GRIA4: variants seen among roughly 807,000 people sequenced by gnomAD.
The protein encoded by GRIA4 is glutamate ionotropic receptor AMPA type subunit 4.
A neutral mutation model predicts 104.0 loss-of-function variants in GRIA4; 34 were observed. The observed-to-expected ratio is 0.33, with a 90% CI of 0.25 to 0.44. The LOEUF (loss-of-function observed/expected upper bound fraction) is 0.44. Among genes scored for constraint, GRIA4 ranks in the 20% least tolerant of loss-of-function variants. The pLI, the probability that GRIA4 is intolerant of heterozygous loss-of-function variation, is 1.00. For synonymous variants in GRIA4, 386 were observed against 381.9 expected (o/e 1.01, Z -0.13); for missense variants, 750 against 1,096.5 (o/e 0.68, Z 4.46).
intron 3 of GRIA4, among the ~76,000 whole-genome samples, chr11:105,737,304 T>A (rs1261550172): frequency 1.3e-5 from 2 of 152,172 alleles, no homozygotes; most frequent in African/African-American, 4.8e-5. Context: ...TTGGCTGCTT[T>A]ATGTCTTTTT....
intron 4 of GRIA4, among the ~76,000 whole-genome samples, chr11:105,828,662 T>TAA (rs570146830): frequency 5.4e-4 from 74 of 137,358 alleles, no homozygotes; most frequent in African/African-American, 1.9e-3. Flanking sequence ...AATGTTTTCA[T>TAA]AAAAAAAAAA....
At chr11:105,764,224 C>T (rs35903386) in intron 4 of GRIA4, among the ~76,000 whole-genome samples, 177 of 152,270 alleles carry the variant, frequency 1.2e-3, no homozygotes, top group Non-Finnish European at 2.3e-3. Flanking sequence ...GAGACCTCCA[C>T]CTCCTGGGTT....
intron 3 of GRIA4, among the ~76,000 whole-genome samples, chr11:105,745,086 C>A (rs984194833): frequency 3.9e-5 from 6 of 151,994 alleles, no homozygotes; most frequent in Admixed American, 3.9e-4. Flanking sequence ...TGAAGAGAGA[C>A]TTTTGAAATG....
chr11:105,752,945 C>A, intron 3 of GRIA4, 36 bp from the exon 4 acceptor site: 1 of 1,599,522 alleles, frequency 6.3e-7, no homozygotes, highest in Non-Finnish European at 8.6e-7. Context: ...TTTGAGTGTG[C>A]TAATAGTTTG....
intron 14 of GRIA4, among the ~76,000 whole-genome samples, chr11:105,952,480 A>G (rs1948477814): frequency 6.6e-6 from 1 of 152,210 alleles, no homozygotes; most frequent in African/African-American, 2.4e-5. Context: ...TTCATTGATC[A>G]AACTCCCTAG....
At chr11:105,671,739 T>A (rs1316537032) in intron 3 of GRIA4, among the ~76,000 whole-genome samples, 2 of 149,176 alleles carry the variant, frequency 1.3e-5, no homozygotes, top group Non-Finnish European at 3.0e-5. Context: ...CAATATATTA[T>A]GGGAAGAAAA....
At chr11:105,937,594 T>C (rs1342225531) in intron 14 of GRIA4, among the ~76,000 whole-genome samples, 1 of 152,108 alleles carries the variant, frequency 6.6e-6, no homozygotes, top group East Asian at 1.9e-4. Flanking sequence ...GAACACTTCC[T>C]CTGGCGCTTA....
At chr11:105,929,061 A>G (rs186125980) in intron 13 of GRIA4, among the ~76,000 whole-genome samples, 69 of 152,186 alleles carry the variant, frequency 4.5e-4, no homozygotes, top group South Asian at 1.5e-3. Context: ...GGACAAGAAA[A>G]TAATTTCCCC....
intron 4 of GRIA4, among the ~76,000 whole-genome samples, chr11:105,815,006 A>T (rs976636327): frequency 6.6e-6 from 1 of 152,066 alleles, no homozygotes. Context: ...CTATCCATGG[A>T]CTTATCTGCC....
chr11:105,715,274 G>C (rs1260301971), intron 3 of GRIA4, among the ~76,000 whole-genome samples: 2 of 152,102 alleles, frequency 1.3e-5, no homozygotes, highest in Non-Finnish European at 2.9e-5. Flanking sequence ...ACGTTGTTGA[G>C]GACATTTTCT....
chr11:105,862,409 T>C (rs960904481), intron 5 of GRIA4: 3 of 484,176 alleles, frequency 6.2e-6, no homozygotes, highest in African/African-American at 5.9e-5. Flanking sequence ...TCTCAATGTA[T>C]TTAGAAAGCT....
intron 14 of GRIA4, among the ~76,000 whole-genome samples, chr11:105,951,100 T>C (rs1948445240): frequency 6.6e-6 from 1 of 152,194 alleles, no homozygotes. Context: ...TCTAAGTCTT[T>C]AAAGCAATTG....
chr11:105,971,002 G>A (rs762875981), intron 14 of GRIA4, among the ~76,000 whole-genome samples: 71 of 152,250 alleles, frequency 4.7e-4, no homozygotes, highest in Non-Finnish European at 8.8e-4. Context: ...TAGTAGAGGA[G>A]ACAAATAGAG....
At chr11:105,917,141 T>C (rs1591442928) in intron 10 of GRIA4, among the ~76,000 whole-genome samples, 3 of 152,228 alleles carry the variant, frequency 2.0e-5, no homozygotes, top group Admixed American at 1.3e-4. Flanking sequence ...TGCATAATTT[T>C]CATCTATCTA....
Position 105,943,585 on chromosome 11 carries a change from T to A in GRIA4, c.2294+9616T>A, listed in dbSNP as rs577996899. Among the ~76,000 whole-genome samples the A allele has an allele frequency of 2.6e-5, 4 of 152,238 alleles. No individual in the cohort carries two copies. The South Asian group carries it at 8.3e-4, about 32-fold the overall frequency. On this transcript the variant is annotated intron_variant, in intron 14 of 16. Transcript: ENST00000282499. ...ACTTCAGCACTACCTAATTTCTTTT[T>A]CATTTTTCTCCTCATCACAAATAGC...
At chr11:105,742,663 C>T (rs190075639) in intron 3 of GRIA4, among the ~76,000 whole-genome samples, 30 of 151,502 alleles carry the variant, frequency 2.0e-4, no homozygotes, top group African/African-American at 7.0e-4. Context: ...AAGTCATATT[C>T]CTTTGCAGAT....
At chr11:105,724,378 T>TACAC (rs781566275) in intron 3 of GRIA4, among the ~76,000 whole-genome samples, 28 of 118,798 alleles carry the variant, frequency 2.4e-4, no homozygotes, top group African/African-American at 7.6e-4. Flanking sequence ...CCATTATATA[T>TACAC]ACACACACAC....
At chr11:105,920,244 T>C (rs1947522063) in intron 11 of GRIA4, among the ~76,000 whole-genome samples, 1 of 152,146 alleles carries the variant, frequency 6.6e-6, no homozygotes. Flanking sequence ...TAGCAAAATG[T>C]ATTTTACCAC....
intron 10 of GRIA4, among the ~76,000 whole-genome samples, chr11:105,911,506 T>C (rs1159792664): frequency 6.6e-6 from 1 of 151,718 alleles, no homozygotes; most frequent in African/African-American, 2.4e-5. Context: ...GTAATTTAGT[T>C]TTTAGCTTTT....
Sources: allele counts gnomAD v4.1 joint callset (sites outside exome capture counted in the v4.1 genomes callset), GRCh38; gene constraint gnomAD v4.1.1; transcripts MANE v1.5; gene names NCBI Gene and HGNC (gene_info 2026-07-23, HGNC 2026-07-21).